Variants in HS6ST3 observed in about 807,000 individuals in gnomAD.
The protein encoded by HS6ST3 is heparan sulfate 6-O-sulfotransferase 3.
HS6ST3 carries 12 observed loss-of-function variants against 36.7 expected under a neutral mutation model. The ratio of observed to expected loss-of-function variants is 0.33; its 90% CI spans 0.21 to 0.53. HS6ST3 has a LOEUF of 0.53. Among genes scored for constraint, HS6ST3 ranks in the 20% least tolerant of loss-of-function variants. HS6ST3 has a pLI of 0.95. For missense variants in HS6ST3, 584 were observed against 640.9 expected (o/e 0.91, Z 0.96); for synonymous variants, 240 against 257.5 (o/e 0.93, Z 0.65).
intron 1 of HS6ST3, among the ~76,000 whole-genome samples, chr13:96,450,000 A>G (rs1336499115): frequency 6.6e-6 from 1 of 152,214 alleles, no homozygotes; most frequent in Non-Finnish European, 1.5e-5. Context: ...TTTTAAGAAA[A>G]CACATCAAAG....
At chr13:96,600,455 A>G (rs1286085272) in intron 1 of HS6ST3, among the ~76,000 whole-genome samples, 4 of 151,642 alleles carry the variant, frequency 2.6e-5, no homozygotes, top group Non-Finnish European at 5.9e-5. Flanking sequence ...GTGCTGTTTT[A>G]AAGTCTGTTT....
intron 1 of HS6ST3, among the ~76,000 whole-genome samples, chr13:96,520,633 T>C (rs1384232197): frequency 4.0e-5 from 6 of 151,762 alleles, no homozygotes; most frequent in African/African-American, 1.4e-4. Context: ...AATGTAGCAA[T>C]TTGGCTCTCT....
chr13:96,266,256 G>C (rs532425793), intron 1 of HS6ST3, among the ~76,000 whole-genome samples: 1 of 152,232 alleles, frequency 6.6e-6, no homozygotes, highest in Non-Finnish European at 1.5e-5. Flanking sequence ...AACCAGTTTT[G>C]GGGACCCAAA....
intron 1 of HS6ST3, among the ~76,000 whole-genome samples, chr13:96,789,551 A>G (rs1877730594): frequency 6.6e-6 from 1 of 151,812 alleles, no homozygotes; most frequent in Non-Finnish European, 1.5e-5. Flanking sequence ...TCCCACTCAT[A>G]TCATTTTGTT....
chr13:96,170,919 A>G (rs777467233), intron 1 of HS6ST3, among the ~76,000 whole-genome samples: 11 of 152,210 alleles, frequency 7.2e-5, no homozygotes, highest in Non-Finnish European at 1.5e-4. Flanking sequence ...TATTTAAAAC[A>G]CACGCGCACG....
intron 1 of HS6ST3, among the ~76,000 whole-genome samples, chr13:96,306,464 G>A (rs1039155039): frequency 1.3e-5 from 2 of 152,162 alleles, no homozygotes; most frequent in East Asian, 3.9e-4. Flanking sequence ...ATCTGCCTTC[G>A]CCTCCCAAAG....
At chr13:96,799,548 G>A (rs1046818060) in intron 1 of HS6ST3, among the ~76,000 whole-genome samples, 3 of 150,228 alleles carry the variant, frequency 2.0e-5, no homozygotes, top group East Asian at 2.0e-4. Context: ...ACCAAACACC[G>A]CATATTCTCA....
At chr13:96,101,663 G>A (rs1205921666) in intron 1 of HS6ST3, among the ~76,000 whole-genome samples, 2 of 152,032 alleles carry the variant, frequency 1.3e-5, no homozygotes, top group Admixed American at 1.3e-4. Flanking sequence ...ATGACAAAAT[G>A]CATATCCAAT....
chr13:96,107,539 T>C (rs1187850836), intron 1 of HS6ST3, among the ~76,000 whole-genome samples: 1 of 152,100 alleles, frequency 6.6e-6, no homozygotes, highest in Non-Finnish European at 1.5e-5. Flanking sequence ...GACAATGATA[T>C]GACATGTGCT....
intron 1 of HS6ST3, among the ~76,000 whole-genome samples, chr13:96,403,818 G>A (rs911855067): frequency 1.3e-5 from 2 of 152,124 alleles, no homozygotes; most frequent in Non-Finnish European, 2.9e-5. Flanking sequence ...ATACATACTT[G>A]GAAAATGTGT....
intron 1 of HS6ST3, among the ~76,000 whole-genome samples, chr13:96,228,131 CTA>C (rs1450576929): frequency 2.0e-5 from 3 of 152,210 alleles, no homozygotes; most frequent in Middle Eastern, 3.4e-3. Context: ...GTTGCAGCTA[CTA>C]AATACTGTTG....
chr13:96,717,867 T>G (rs1006160370), intron 1 of HS6ST3, among the ~76,000 whole-genome samples: 2 of 152,314 alleles, frequency 1.3e-5, no homozygotes, highest in African/African-American at 2.4e-5. Flanking sequence ...GGAAATTTCA[T>G]TTTTAATGCA....
At chr13:96,646,274 A>T (rs1297668519) in intron 1 of HS6ST3, among the ~76,000 whole-genome samples, 2 of 151,950 alleles carry the variant, frequency 1.3e-5, no homozygotes, top group Non-Finnish European at 2.9e-5. Context: ...CAGTGCTGGG[A>T]AATGAAGAGC....
chr13:96,598,400 T>C (rs2056409723), intron 1 of HS6ST3, among the ~76,000 whole-genome samples: 1 of 152,134 alleles, frequency 6.6e-6, no homozygotes, highest in Non-Finnish European at 1.5e-5. Context: ...CTTGGTTAGA[T>C]ATATTCCTAG....
chr13:96,540,734 G>T (rs990733372), intron 1 of HS6ST3, among the ~76,000 whole-genome samples: 1 of 152,076 alleles, frequency 6.6e-6, no homozygotes, highest in Non-Finnish European at 1.5e-5. Flanking sequence ...TAAAGGAATC[G>T]CTTCTCTTTG....
rs1594734308 is a variant in HS6ST3 at position 96,257,160 on chromosome 13, A to G, written c.707+165591A>G. Among the ~76,000 whole-genome samples, 5 of 152,316 alleles carry G rather than the reference A, an allele frequency of 3.3e-5. No homozygotes were observed. In the South Asian group the frequency reaches 1.0e-3, roughly 32 times the overall value. ...CTTCACTGTACTTAATAGTGCCAGT[A>G]CTTAATGGTACCAGGACCTTGAGAT... On this transcript the variant is annotated intron_variant, in intron 1 of 1. Coordinates refer to ENST00000376705, the MANE Select transcript of HS6ST3 (RefSeq NM_153456.4).
chr13:96,164,639 T>C (rs1252812533), intron 1 of HS6ST3, among the ~76,000 whole-genome samples: 2 of 152,162 alleles, frequency 1.3e-5, no homozygotes, highest in East Asian at 1.9e-4. Context: ...CACATTCCTC[T>C]TCACCTATCT....
At chr13:96,484,553 G>A (rs1444719523) in intron 1 of HS6ST3, among the ~76,000 whole-genome samples, 1 of 152,094 alleles carries the variant, frequency 6.6e-6, no homozygotes, top group East Asian at 1.9e-4. Context: ...CTTTGCTTCT[G>A]CAAGTTTGAC....
At chr13:96,689,352 G>A (rs1874873358) in intron 1 of HS6ST3, among the ~76,000 whole-genome samples, 1 of 151,974 alleles carries the variant, frequency 6.6e-6, no homozygotes, top group African/African-American at 2.4e-5. Context: ...AAAATCCAGG[G>A]TCTTTTCTAT....
Sources: gnomAD v4.1 joint callset for allele counts (sites outside exome capture counted in the v4.1 genomes callset) on GRCh38, gnomAD v4.1.1 for gene constraint, MANE v1.5 for transcripts, NCBI Gene and HGNC (gene_info 2026-07-23, HGNC 2026-07-21) for gene names.